Variants in RAB3C observed in about 807,000 individuals in gnomAD.
The protein encoded by RAB3C is ras-related protein Rab-3C.
A neutral mutation model predicts 26.4 loss-of-function variants in RAB3C; 17 were observed. The ratio of observed to expected loss-of-function variants is 0.64; its 90% CI spans 0.44 to 0.97. The LOEUF (loss-of-function observed/expected upper bound fraction) is 0.97, where lower values mean the gene tolerates loss of function less well. Among genes scored for constraint, RAB3C ranks in the 50% least tolerant of loss-of-function variants. RAB3C has a pLI of 0.00. For missense variants in RAB3C, 242 were observed against 281.9 expected, an observed-to-expected ratio of 0.86 and a Z score of 1.01; for synonymous variants, 91 against 95.9, an observed-to-expected ratio of 0.95 and a Z score of 0.30.
intron 3 of RAB3C, among the ~76,000 whole-genome samples, chr5:58,773,731 G>A (rs574050849): frequency 8.7e-4 from 133 of 152,214 alleles, no homozygotes; most frequent in Middle Eastern, 3.4e-3. Flanking sequence ...AGATGAAGAC[G>A]CAGTGAACCA....
At chr5:58,792,474 A>C (rs961292794) in intron 3 of RAB3C, among the ~76,000 whole-genome samples, 1 of 152,204 alleles carries the variant, frequency 6.6e-6, no homozygotes, top group African/African-American at 2.4e-5. Context: ...GGAAAGGGGA[A>C]AGTGGAAACA....
At chr5:58,828,506 T>G (rs1743539249) in intron 4 of RAB3C, among the ~76,000 whole-genome samples, 1 of 152,220 alleles carries the variant, frequency 6.6e-6, no homozygotes, top group Non-Finnish European at 1.5e-5. Flanking sequence ...CTTGGATGTT[T>G]CCATCCACTC....
chr5:58,671,340 A>G (rs558235316), intron 2 of RAB3C, among the ~76,000 whole-genome samples: 6 of 152,344 alleles, frequency 3.9e-5, no homozygotes, highest in African/African-American at 7.2e-5. Flanking sequence ...GCTCAAGGTC[A>G]TACAGTTGGC....
intron 3 of RAB3C, among the ~76,000 whole-genome samples, chr5:58,775,336 C>T (rs958048660): frequency 5.9e-5 from 9 of 152,030 alleles, no homozygotes; most frequent in Non-Finnish European, 7.4e-5. Flanking sequence ...TTTATAAAAC[C>T]TCAGGGCCAA....
chr5:58,680,226 G>A (rs1657336783), intron 2 of RAB3C, among the ~76,000 whole-genome samples: 1 of 152,104 alleles, frequency 6.6e-6, no homozygotes, highest in Admixed American at 6.5e-5. Context: ...TTAGCTACTT[G>A]TTAATTAGGC....
At chr5:58,827,873 T>C (rs1211857174) in intron 4 of RAB3C, among the ~76,000 whole-genome samples, 1 of 152,230 alleles carries the variant, frequency 6.6e-6, no homozygotes, top group Non-Finnish European at 1.5e-5. Flanking sequence ...TTTAAAGGTC[T>C]TTGCTTTGTT....
chr5:58,663,888 A>G (rs970734878), intron 2 of RAB3C, among the ~76,000 whole-genome samples: 6 of 152,240 alleles, frequency 3.9e-5, no homozygotes, highest in African/African-American at 7.2e-5. Context: ...GCACTTTCTT[A>G]TAAAACTAAG....
intron 2 of RAB3C, among the ~76,000 whole-genome samples, chr5:58,716,054 ATAAT>A (rs373202241): frequency 6.9e-4 from 104 of 149,828 alleles, no homozygotes; most frequent in African/African-American, 2.4e-3. Context: ...AGGAAAAAAA[ATAAT>A]AAATAAATAA....
chr5:58,789,000 C>CT (rs1742459501), intron 3 of RAB3C, among the ~76,000 whole-genome samples: 8 of 152,014 alleles, frequency 5.3e-5, no homozygotes, highest in Admixed American at 5.2e-4. Flanking sequence ...GGAGTCTATG[C>CT]TAAGGAACAT....
chr5:58,722,783 C>T (rs1740801738), intron 2 of RAB3C, among the ~76,000 whole-genome samples: 1 of 151,760 alleles, frequency 6.6e-6, no homozygotes, highest in African/African-American at 2.4e-5. Flanking sequence ...TTCTTTCTGC[C>T]TAATTTGTAT....
Position 58,854,741 on chromosome 5 carries a change from A to G in RAB3C, c.*3390A>G, listed in dbSNP as rs1403516359. The stretch of plus-strand genomic sequence containing the variant: ...ATTTTTACTTGGAAAGAAAACTATG[A>G]CAATGCCTTCAGTTGTAGCAGAAAG... On this transcript the variant is annotated 3_prime_UTR_variant, in exon 5 of 5. Transcript: ENST00000282878. The G allele has an allele frequency of 6.6e-6, 1 of 152,198 alleles. No homozygotes were observed. Among genetic ancestry groups the G allele is most frequent in the African/African-American group, 2.4e-5 (1 of 41,452 alleles). The allele number at this position is 152,198 out of a possible 1,614,324, so 9.4% of individuals were successfully genotyped here.
chr5:58,786,549 G>T (rs1742386629), intron 3 of RAB3C, among the ~76,000 whole-genome samples: 1 of 152,100 alleles, frequency 6.6e-6, no homozygotes, highest in Admixed American at 6.6e-5. Context: ...CTCTTCTCCT[G>T]CCCTGGTTCT....
intron 1 of RAB3C, among the ~76,000 whole-genome samples, chr5:58,616,173 T>C (rs1746821810): frequency 6.6e-6 from 1 of 152,198 alleles, no homozygotes; most frequent in Non-Finnish European, 1.5e-5. Flanking sequence ...AAATAGACTC[T>C]CTAGCCTAGC....
intron 2 of RAB3C, among the ~76,000 whole-genome samples, chr5:58,670,299 C>T (rs1048940044): frequency 1.4e-4 from 22 of 151,900 alleles, no homozygotes; most frequent in African/African-American, 2.9e-4. Context: ...AAAATAAAGA[C>T]GGTCTCCAAA....
rs957764478 is a variant in RAB3C, at chr5:58,663,063, G to A, written c.252+45193G>A. Among the ~76,000 whole-genome samples the A allele has an allele frequency of 2.0e-5, 3 of 150,214 alleles. 1 individual carries two copies. Among genetic ancestry groups the A allele is most frequent in the African/African-American group, 5.0e-5 (2 of 39,614 alleles). ...TTCTTTTGTGTCAATAATATAAATA[G>A]TACTTCTGCATTTTTCTAGTTAACT... On this transcript the variant is annotated intron_variant, in intron 2 of 4. Transcript: ENST00000282878.
At chr5:58,787,501 A>G (rs931109191) in intron 3 of RAB3C, among the ~76,000 whole-genome samples, 2 of 152,166 alleles carry the variant, frequency 1.3e-5, no homozygotes, top group Non-Finnish European at 2.9e-5. Flanking sequence ...TTTTGTCTAT[A>G]TACTTTGAAA....
intron 4 of RAB3C, among the ~76,000 whole-genome samples, chr5:58,827,896 G>A (rs773157565): frequency 6.6e-6 from 1 of 152,072 alleles, no homozygotes; most frequent in Admixed American, 6.6e-5. Flanking sequence ...TTAATTACTT[G>A]TACATTTTAT....
intron 2 of RAB3C, among the ~76,000 whole-genome samples, chr5:58,678,279 G>C (rs1213638418): frequency 6.6e-6 from 1 of 152,072 alleles, no homozygotes; most frequent in African/African-American, 2.4e-5. Flanking sequence ...AACTTATGTA[G>C]GTCCATGTTC....
chr5:58,708,534 A>C (rs1417222634), intron 2 of RAB3C, among the ~76,000 whole-genome samples: 1 of 152,172 alleles, frequency 6.6e-6, no homozygotes, highest in Non-Finnish European at 1.5e-5. Flanking sequence ...TCTTTCCTGT[A>C]GGAGAAGGAT....
Sources: allele counts gnomAD v4.1 joint callset (sites outside exome capture counted in the v4.1 genomes callset), GRCh38; gene constraint gnomAD v4.1.1; transcripts MANE v1.5; gene names NCBI Gene and HGNC (gene_info 2026-07-23, HGNC 2026-07-21).